CNTN5: variants seen among roughly 807,000 people sequenced by gnomAD.
CNTN5 encodes the protein contactin-5.
A neutral mutation model predicts 129.1 loss-of-function variants in CNTN5; 77 were observed. The ratio of observed to expected loss-of-function variants is 0.60; its 90% CI spans 0.50 to 0.72. The LOEUF (loss-of-function observed/expected upper bound fraction) is 0.72. CNTN5 is among the 30% of genes least tolerant of loss of function. CNTN5 has a pLI of 0.00. For synonymous variants in CNTN5, 509 were observed against 465.6 expected (o/e 1.09, Z -1.20); for missense variants, 1,478 against 1,328.8 (o/e 1.11, Z -1.75).
chr11:99,563,917 G>A (rs1373987449), intron 3 of CNTN5, among the ~76,000 whole-genome samples: 3 of 152,108 alleles, frequency 2.0e-5, no homozygotes, highest in Admixed American at 6.5e-5. Flanking sequence ...GATTCAAGAG[G>A]TGGAAAAGTA....
At chr11:99,163,363 A>G (rs1459236146) in intron 1 of CNTN5, among the ~76,000 whole-genome samples, 1 of 151,606 alleles carries the variant, frequency 6.6e-6, no homozygotes, top group African/African-American at 2.4e-5. Context: ...TGAATTAGAT[A>G]CTAGTAAATA....
intron 16 of CNTN5, among the ~76,000 whole-genome samples, chr11:100,237,468 A>T (rs1565363423): frequency 6.6e-6 from 1 of 152,202 alleles, no homozygotes; most frequent in Non-Finnish European, 1.5e-5. Flanking sequence ...TGCAGATTGA[A>T]CAGAGGAAGG....
At chr11:99,022,138 T>C (rs986627359) in intron 1 of CNTN5, among the ~76,000 whole-genome samples, 3 of 152,178 alleles carry the variant, frequency 2.0e-5, no homozygotes, top group Non-Finnish European at 4.4e-5. Context: ...TTACCTACAT[T>C]TCATTCATTT....
At chr11:100,275,075 T>C (rs1294340114) in intron 18 of CNTN5, among the ~76,000 whole-genome samples, 1 of 141,524 alleles carries the variant, frequency 7.1e-6, no homozygotes, top group Non-Finnish European at 1.5e-5. Context: ...TCAGTTTTTT[T>C]CCATATAAAA....
intron 15 of CNTN5, among the ~76,000 whole-genome samples, chr11:100,197,777 C>T (rs1565335451): frequency 6.6e-6 from 1 of 151,926 alleles, no homozygotes; most frequent in Admixed American, 6.6e-5. Flanking sequence ...CAATTTGCTG[C>T]TTTTTTAACA....
chr11:99,653,971 G>C (rs1346440354), intron 3 of CNTN5, among the ~76,000 whole-genome samples: 1 of 151,122 alleles, frequency 6.6e-6, no homozygotes, highest in Admixed American at 6.6e-5. Context: ...TTCAACTGCT[G>C]TTATTTCTAT....
intron 1 of CNTN5, among the ~76,000 whole-genome samples, chr11:99,239,103 G>A (rs190709139): frequency 1.3e-5 from 2 of 151,798 alleles, no homozygotes; most frequent in East Asian, 3.9e-4. Flanking sequence ...AAAATTAATT[G>A]TACAAAATGT....
chr11:99,134,411 A>C (rs1859115014), intron 1 of CNTN5, among the ~76,000 whole-genome samples: 2 of 152,234 alleles, frequency 1.3e-5, no homozygotes, highest in South Asian at 4.1e-4. Context: ...ACATAAAAAA[A>C]TAAGTATAAA....
intron 13 of CNTN5, among the ~76,000 whole-genome samples, chr11:100,168,604 C>G (rs1235042903): frequency 1.3e-5 from 2 of 151,962 alleles, no homozygotes; most frequent in African/African-American, 4.8e-5. Context: ...TGTTACCACT[C>G]ATTGACAATG....
At chr11:99,822,923 T>C (rs1357091353) in intron 4 of CNTN5, among the ~76,000 whole-genome samples, 1 of 152,228 alleles carries the variant, frequency 6.6e-6, no homozygotes, top group African/African-American at 2.4e-5. Context: ...TCTGGCTTGC[T>C]CATATTAATG....
chr11:100,166,352 T>A (rs980466210), intron 13 of CNTN5, among the ~76,000 whole-genome samples: 2 of 151,744 alleles, frequency 1.3e-5, no homozygotes, highest in African/African-American at 4.8e-5. Flanking sequence ...ATGAAAATGT[T>A]CCATGTAAAC....
intron 1 of CNTN5, among the ~76,000 whole-genome samples, chr11:99,192,280 A>C (rs79124023): frequency 0.02 from 2,989 of 151,946 alleles, 102 homozygotes; most frequent in African/African-American, 0.069. Flanking sequence ...ACCTAGAAAA[A>C]CTGGATAAAA....
chr11:99,755,654 G>T (rs1944382440), intron 3 of CNTN5, among the ~76,000 whole-genome samples: 1 of 151,708 alleles, frequency 6.6e-6, no homozygotes, highest in African/African-American at 2.4e-5. Context: ...TTTTCTTCCA[G>T]TCTGTGGTTT....
chr11:100,194,204 A>C (rs981885331), intron 15 of CNTN5, among the ~76,000 whole-genome samples: 2 of 151,912 alleles, frequency 1.3e-5, no homozygotes, highest in African/African-American at 4.8e-5. Context: ...CTACATGGCA[A>C]TCAACCAAAT....
chr11:100,001,339 T>G (rs892914221), intron 8 of CNTN5, among the ~76,000 whole-genome samples: 3 of 152,132 alleles, frequency 2.0e-5, no homozygotes, highest in Non-Finnish European at 4.4e-5. Context: ...CATGGGGGAA[T>G]CTACCTCCAT....
At chr11:99,502,860 TAA>T (rs1363313757) in intron 2 of CNTN5, among the ~76,000 whole-genome samples, 8 of 152,200 alleles carry the variant, frequency 5.3e-5, no homozygotes, top group African/African-American at 1.4e-4. Flanking sequence ...GTCCTTTCTT[TAA>T]CATGTCTTCT....
intron 1 of CNTN5, among the ~76,000 whole-genome samples, chr11:99,054,579 T>C (rs1864555394): frequency 6.6e-6 from 1 of 151,784 alleles, no homozygotes; most frequent in Non-Finnish European, 1.5e-5. Context: ...CCTTAAAACT[T>C]TTCCAAAGCG....
chr11:99,469,388 A>C (rs1325706135), intron 2 of CNTN5, among the ~76,000 whole-genome samples: 1 of 152,086 alleles, frequency 6.6e-6, no homozygotes, highest in African/African-American at 2.4e-5. Flanking sequence ...GTCCGTAGAG[A>C]TTGTATATAA....
At chr11:100,236,335 C>A (rs1565362270) in intron 16 of CNTN5, among the ~76,000 whole-genome samples, 2 of 152,050 alleles carry the variant, frequency 1.3e-5, no homozygotes, top group African/African-American at 4.8e-5. Flanking sequence ...CGAGGAAAGC[C>A]GCTGGCATTG....
Sources: allele counts gnomAD v4.1 joint callset (sites outside exome capture counted in the v4.1 genomes callset), GRCh38; gene constraint gnomAD v4.1.1; transcripts MANE v1.5; gene names NCBI Gene and HGNC (gene_info 2026-07-23, HGNC 2026-07-21).